Variants in GRM8 observed in about 807,000 individuals in gnomAD.
GRM8 encodes the protein metabotropic glutamate receptor 8.
Under a neutral mutation model 87.2 loss-of-function variants are expected in GRM8, and 47 were observed. The observed-to-expected ratio is 0.54, with a 90% CI of 0.43 to 0.69. GRM8 has a LOEUF of 0.69. Among genes scored for constraint, GRM8 ranks in the 30% least tolerant of loss-of-function variants. The pLI, the probability that GRM8 is intolerant of heterozygous loss-of-function variation, is 0.00. For missense variants in GRM8, 1,019 were observed against 1,139.2 expected, an observed-to-expected ratio of 0.89 and a Z score of 1.52; for synonymous variants, 396 against 404.5, an observed-to-expected ratio of 0.98 and a Z score of 0.25.
At chr7:126,611,036 A>G (rs1798866025) in intron 7 of GRM8, among the ~76,000 whole-genome samples, 1 of 152,216 alleles carries the variant, frequency 6.6e-6, no homozygotes, top group African/African-American at 2.4e-5. Flanking sequence ...ATATGAATAA[A>G]TTTTGAAGTC....
At chr7:126,872,471 G>T (rs1411650058) in intron 6 of GRM8, among the ~76,000 whole-genome samples, 1 of 152,052 alleles carries the variant, frequency 6.6e-6, no homozygotes, top group African/African-American at 2.4e-5. Flanking sequence ...GTTGTTTAGG[G>T]TACCCTAAAT....
chr7:126,490,843 G>A (rs770972237), intron 9 of GRM8, among the ~76,000 whole-genome samples: 127 of 152,008 alleles, frequency 8.4e-4, no homozygotes, highest in Non-Finnish European at 1.3e-3. Flanking sequence ...TCTAATTCTA[G>A]AATAATCCTA....
At chr7:126,615,304 C>T (rs1172165775) in intron 7 of GRM8, among the ~76,000 whole-genome samples, 5 of 152,048 alleles carry the variant, frequency 3.3e-5, no homozygotes, top group African/African-American at 1.2e-4. Flanking sequence ...AAATAAAATC[C>T]TTTAGAGACA....
At chr7:127,019,891 T>C (rs1173913196) in intron 3 of GRM8, among the ~76,000 whole-genome samples, 2 of 152,086 alleles carry the variant, frequency 1.3e-5, no homozygotes, top group East Asian at 1.9e-4. Context: ...CAAAGGCCTA[T>C]CTACACCACT....
intron 3 of GRM8, among the ~76,000 whole-genome samples, chr7:127,010,975 G>T (rs1156868644): frequency 2.0e-5 from 3 of 151,870 alleles, no homozygotes; most frequent in Non-Finnish European, 4.4e-5. Flanking sequence ...TTAAATAAGG[G>T]TCCTGAACTC....
At chr7:126,827,074 T>C (rs1306870944) in intron 6 of GRM8, among the ~76,000 whole-genome samples, 1 of 152,228 alleles carries the variant, frequency 6.6e-6, no homozygotes, top group Non-Finnish European at 1.5e-5. Context: ...CATTGATCTA[T>C]ATCTCTGTTT....
At chr7:127,005,218 T>G (rs1243372228) in intron 3 of GRM8, among the ~76,000 whole-genome samples, 1 of 151,378 alleles carries the variant, frequency 6.6e-6, no homozygotes, top group Non-Finnish European at 1.5e-5. Flanking sequence ...GGGGTTTATA[T>G]TCCATAAATA....
intron 7 of GRM8, among the ~76,000 whole-genome samples, chr7:126,630,159 A>T (rs547277016): frequency 1.3e-5 from 2 of 152,198 alleles, no homozygotes; most frequent in South Asian, 2.1e-4. Context: ...GCCTCCAAAG[A>T]TTTAGAACAA....
At chr7:126,913,552 C>T (rs1586434001) in intron 3 of GRM8, among the ~76,000 whole-genome samples, 1 of 152,012 alleles carries the variant, frequency 6.6e-6, no homozygotes, top group East Asian at 1.9e-4. Context: ...TAGCAATGAG[C>T]AAAACAAAAT....
chr7:126,632,467 A>G (rs1035238584), intron 7 of GRM8, among the ~76,000 whole-genome samples: 5 of 152,220 alleles, frequency 3.3e-5, no homozygotes, highest in Middle Eastern at 3.2e-3. Context: ...TGTGGAAGAC[A>G]GTTTGGCAAT....
chr7:127,110,731 T>C (rs1453693008), intron 2 of GRM8, among the ~76,000 whole-genome samples: 1 of 152,158 alleles, frequency 6.6e-6, no homozygotes, highest in Non-Finnish European at 1.5e-5. Flanking sequence ...GATTCCTACC[T>C]CCCAACTCCA....
intron 6 of GRM8, among the ~76,000 whole-genome samples, chr7:126,791,275 A>C (rs1430821400): frequency 2.6e-5 from 4 of 152,206 alleles, no homozygotes; most frequent in African/African-American, 4.8e-5. Context: ...TAATTGATAT[A>C]TCTTCTCTTG....
chr7:126,474,268 G>A (rs191468819), intron 9 of GRM8, among the ~76,000 whole-genome samples: 2,437 of 150,254 alleles, frequency 0.016, 60 homozygotes, highest in African/African-American at 0.052. Context: ...GTGTGTGTGT[G>A]TATATATATA....
chr7:126,619,074 C>G (rs906687351), intron 7 of GRM8, among the ~76,000 whole-genome samples: 1 of 152,150 alleles, frequency 6.6e-6, no homozygotes, highest in Non-Finnish European at 1.5e-5. Flanking sequence ...CACTTGCACA[C>G]GTATGTTTAT....
At position 126,489,506 on chromosome 7, in the gene GRM8, G is replaced by A. The variant is rs763761686; in HGVS notation, c.2431-43134C>T. 1.8e-4 allele frequency among the ~76,000 whole-genome samples: 27 copies of A among 151,970 alleles called. 1 individual carries two copies. The highest frequency in any genetic ancestry group is 1.1e-3 in the Admixed American group (17 of 15,242). ...TATATAATCCACATAAAGCAAAGACGCCTTATTACCCGGTATTAGTAGTCT... is the reference window on the plus strand; with the variant it reads ...TATATAATCCACATAAAGCAAAGACACCTTATTACCCGGTATTAGTAGTCT... On this transcript the variant is annotated intron_variant, in intron 9 of 10. Transcript: ENST00000339582.
chr7:126,440,574 C>T (rs1289839595), intron 10 of GRM8, among the ~76,000 whole-genome samples: 1 of 151,980 alleles, frequency 6.6e-6, no homozygotes, highest in African/African-American at 2.4e-5. Flanking sequence ...ATCTTGTATA[C>T]TCTATTTTTA....
chr7:126,533,614 C>T lies in GRM8; in HGVS notation c.1768G>A (p.Val590Ile). The T allele has an allele frequency of 6.2e-7, 1 of 1,614,076 alleles. No homozygotes were observed. The highest frequency in any genetic ancestry group is 8.5e-7 in the Non-Finnish European group (1 of 1,180,002). Residue 590 changes from valine to isoleucine, a missense_variant, in exon 9 of 11, where the codon GTT (valine) becomes ATT (isoleucine). By Grantham distance (29) the Val-to-Ile change is conservative (BLOSUM62 3). Transcript: ENST00000339582. ...GTGGCGATGATTCCCAATATTGCAACAAACACAGGCACCACAGCCCAGGGA... is the reference window on the plus strand; with the variant it reads ...GTGGCGATGATTCCCAATATTGCAATAAACACAGGCACCACAGCCCAGGGA... The part of the protein sequence containing the change: ...HSPWAVVPVF[V>I]AILGIIATTF...
chr7:127,157,746 A>C (rs1413114961), intron 2 of GRM8, among the ~76,000 whole-genome samples: 1 of 152,218 alleles, frequency 6.6e-6, no homozygotes, highest in African/African-American at 2.4e-5. Context: ...AAAAGTAGAA[A>C]ACAAAGCAAG....
chr7:126,579,818 A>G (rs1448267185), intron 8 of GRM8, among the ~76,000 whole-genome samples: 1 of 152,144 alleles, frequency 6.6e-6, no homozygotes, highest in Non-Finnish European at 1.5e-5. Context: ...TAAATAAGAT[A>G]TTTATTTAAT....
Sources: allele counts gnomAD v4.1 joint callset (sites outside exome capture counted in the v4.1 genomes callset), GRCh38; gene constraint gnomAD v4.1.1; transcripts MANE v1.5; gene names NCBI Gene and HGNC (gene_info 2026-07-23, HGNC 2026-07-21).